The following PIEZO1 variants were observed in gnomAD, a reference collection of about 807,000 sequenced individuals.
PIEZO1 encodes piezo-type mechanosensitive ion channel component 1.
A neutral mutation model predicts 297.2 loss-of-function variants in PIEZO1; 296 were observed. The observed-to-expected ratio is 1.00, with a 90% confidence interval of 0.91 to 1.10. PIEZO1 has a LOEUF of 1.10. Ranked by LOEUF, PIEZO1 falls within the 50% of genes least tolerant of loss-of-function variation. The pLI, the probability that PIEZO1 is intolerant of heterozygous loss-of-function variation, is 0.00. For missense variants in PIEZO1, 5,018 were observed against 3,455.5 expected, an observed-to-expected ratio of 1.45 and a Z score of -11.34; for synonymous variants, 2,427 against 1,507.5, an observed-to-expected ratio of 1.61 and a Z score of -14.13.
chr16:88,760,164 G>A (rs1173481939), intron 1 of PIEZO1, among the ~76,000 whole-genome samples: 1 of 151,048 alleles, frequency 6.6e-6, no homozygotes, highest in African/African-American at 2.5e-5. Context: ...GGGCCTCCGT[G>A]CCCTCAGTGA....
At chr16:88,779,451 G>A (rs540708683) in intron 1 of PIEZO1, among the ~76,000 whole-genome samples, 4 of 152,280 alleles carry the variant, frequency 2.6e-5, no homozygotes, top group Admixed American at 2.0e-4. Context: ...AGCAATGACC[G>A]TGCGGGGCCC....
At chr16:88,720,048 C>G (rs1462394196) in intron 42 of PIEZO1, 21 bp downstream of exon 42, 1 of 1,549,426 alleles carries the variant, frequency 6.5e-7, no homozygotes, top group Admixed American at 2.0e-5. Context: ...GGAGACCGAG[C>G]GCCCCCACGC....
At chr16:88,743,464 T>C (rs1290486378) in intron 2 of PIEZO1, 2 of 446,578 alleles carry the variant, frequency 4.5e-6, no homozygotes, top group African/African-American at 4.0e-5. Flanking sequence ...CAGGCCCTTC[T>C]CACAACTTCC....
rs1201397460 is a variant in PIEZO1, at chr16:88,720,088, G to A, written c.6145C>T (p.Leu2049=). 4.5e-6 allele frequency: 7 copies of A among 1,550,356 alleles called. No homozygotes were observed. Among genetic ancestry groups the A allele is most frequent in the Non-Finnish European group, 5.2e-6 (6 of 1,146,970 alleles). Residue 2049 remains leucine (L), a synonymous_variant, in exon 42 of 51, where the codon CTG becomes TTG. Transcript: ENST00000301015. ...GCCCACCTCTCAGTGACGGCGGGCA[G>A]GATGAAGAACATCCATAGGTGGATG... The part of the protein sequence containing the change: ...LAIHLWMFFI[L]PAVTERMFNQ...
At chr16:88,720,018 G>GC in intron 42 of PIEZO1, 51 bp downstream of exon 42, 1 of 1,548,996 alleles carries the variant, frequency 6.5e-7, no homozygotes, top group Non-Finnish European at 8.7e-7. Flanking sequence ...AGGGCCCCCA[G>GC]CCTGCACTGC....
chr16:88,735,925 CAG>C (rs752497648), intron 12 of PIEZO1, among the ~76,000 whole-genome samples: 3 of 152,206 alleles, frequency 2.0e-5, no homozygotes, highest in East Asian at 1.9e-4. Flanking sequence ...TGTCAGGGCA[CAG>C]GGGTGGTGCC....
chr16:88,780,109 G>T lies in PIEZO1; in HGVS notation c.64+4792C>A, dbSNP rs479961. Among the ~76,000 whole-genome samples, 611 of 152,282 alleles carry T rather than the reference G, an allele frequency of 4.0e-3. 5 individuals carry two copies. Among genetic ancestry groups the T allele is most frequent in the African/African-American group, 0.014 (589 of 41,542 alleles). Reference sequence around the variant, plus strand: ...CTGCCCACGAGCCGCCACCAGGTCGGCCACCCCTCTGCCTGCCCCCGTCCT... The same window carrying T: ...CTGCCCACGAGCCGCCACCAGGTCGTCCACCCCTCTGCCTGCCCCCGTCCT... On this transcript the variant is annotated intron_variant, in intron 1 of 50. Coordinates refer to ENST00000301015, the MANE Select transcript of PIEZO1 (RefSeq NM_001142864.4).
chr16:88,779,442 G>C (rs1287630369), intron 1 of PIEZO1, among the ~76,000 whole-genome samples: 1 of 152,174 alleles, frequency 6.6e-6, no homozygotes, highest in African/African-American at 2.4e-5. Context: ...TGAATAAACA[G>C]CAATGACCGT....
At chr16:88,760,663 C>T (rs1337398760) in intron 1 of PIEZO1, among the ~76,000 whole-genome samples, 1 of 151,390 alleles carries the variant, frequency 6.6e-6, no homozygotes, top group African/African-American at 2.4e-5. Flanking sequence ...CAGCAGCACC[C>T]AGGAAGCCCA....
In PIEZO1 at chr16:88,723,207, C is replaced by T. The variant is rs1369490206; in HGVS notation, c.4438+19G>A. ...AGTCCCGCGGCTTCCCCTCAGAGTC[C>T]CCACGCCCCCCAGCTCACCTGTGGG... On this transcript the variant is annotated intron_variant, in intron 32 of 50. Coordinates refer to ENST00000301015, the MANE Select transcript of PIEZO1 (RefSeq NM_001142864.4). 39 of 1,548,524 alleles carry T rather than the reference C, an allele frequency of 2.5e-5. No individual in the cohort carries two copies. The highest frequency in any genetic ancestry group is 1.8e-4 in the Admixed American group (9 of 50,984).
At position 88,719,813 on chromosome 16, in the gene PIEZO1, G is replaced by C; in HGVS notation, c.6312C>G (p.Phe2104Leu). 2 of 1,550,542 alleles carry C rather than the reference G, an allele frequency of 1.3e-6. No individual in the cohort carries two copies. Among genetic ancestry groups the C allele is most frequent in the Non-Finnish European group, 8.7e-7 (1 of 1,146,940 alleles). The change falls in exon 43 of 51, where the codon TTC becomes TTG. Residue 2104 changes from phenylalanine (F) to leucine (L), a missense_variant. Transcript: ENST00000301015. ...GGACCTGCACTCACCCCTGGAAGAGGAAGAGGTTGAGATGATTGTACTTCT... is the reference window on the plus strand; with the variant it reads ...GGACCTGCACTCACCCCTGGAAGAGCAAGAGGTTGAGATGATTGTACTTCT... ...LTKKYNHLNL[F>L]LFQGFRLVPF...
chr16:88,737,430 GCCC>G, intron 10 of PIEZO1, 126 bp downstream of exon 10: 1 of 638,762 alleles, frequency 1.6e-6, no homozygotes, highest in South Asian at 2.0e-5. Context: ...GATGTCCTGG[GCCC>G]CCGAGGGGGC....
chr16:88,775,789 CA>C (rs1262615668), intron 1 of PIEZO1, among the ~76,000 whole-genome samples: 1 of 151,500 alleles, frequency 6.6e-6, no homozygotes, highest in Admixed American at 6.6e-5. Context: ...GAGTGGCAGC[CA>C]AGGGTAGGGA....
At chr16:88,748,433 AAC>A (rs914572777) in intron 2 of PIEZO1, among the ~76,000 whole-genome samples, 10 of 51,048 alleles carry the variant, frequency 2.0e-4, no homozygotes, top group African/African-American at 3.5e-4. Flanking sequence ...ACGGGAGAGC[AAC>A]ACAGTCCTGG....
intron 2 of PIEZO1, 48 bp downstream of exon 2, chr16:88,749,336 C>T: frequency 7.8e-7 from 1 of 1,280,774 alleles, no homozygotes; most frequent in South Asian, 1.6e-5. Flanking sequence ...CAAACGAATG[C>T]CCACCCCCTC....
chr16:88,718,004 A>C, intron 44 of PIEZO1: 1 of 331,052 alleles, frequency 3.0e-6, no homozygotes, highest in Non-Finnish European at 5.8e-6. Context: ...AATCGCTTGA[A>C]CCTGGGAGGC....
chr16:88,719,902 C>G lies in PIEZO1; in HGVS notation c.6223G>C (p.Ala2075Pro). The change falls in exon 43 of 51, where the codon GCC (alanine) becomes CCC (proline). Residue 2075 changes from alanine to proline, a missense_variant. Ala to Pro is a conservative substitution (Grantham distance 27). Coordinates refer to ENST00000301015, the MANE Select transcript of PIEZO1 (RefSeq NM_001142864.4). ...LWYFVKCIYFALSAYQIRCGY... is the reference protein window; with the variant it reads ...LWYFVKCIYFPLSAYQIRCGY... ...CAGCGGATCTGGTAGGCGGACAGGGCGAAGTAGATGCACTTCACGAAGTAC... is the reference window on the plus strand; with the variant it reads ...CAGCGGATCTGGTAGGCGGACAGGGGGAAGTAGATGCACTTCACGAAGTAC... 6.4e-7 allele frequency: 1 copy of G among 1,550,398 alleles called. No homozygotes were observed. The highest frequency in any genetic ancestry group is 8.7e-7 in the Non-Finnish European group (1 of 1,146,940).
Position 88,784,917 on chromosome 16 carries a change from G to A in PIEZO1, c.48C>T (p.Pro16=), listed in dbSNP as rs1349477438. The A allele has an allele frequency of 2.8e-6, 4 of 1,436,822 alleles. No homozygotes were observed. Among genetic ancestry groups the A allele is most frequent in the South Asian group, 1.3e-5 (1 of 77,022 alleles). The allele number at this position is 1,436,822 out of a possible 1,614,324, so 89.0% of individuals were successfully genotyped here. A position where few individuals can be genotyped will look rare whatever the true frequency, so the allele number is the denominator to read the frequency against. ...LGAVLYWLLL[P]CALLAACLLR... is the part of the protein sequence containing the mutation. ...CCCACTCACCAGCCAGCAGCGCGCA[G>A]GGCAGCAGCAGCCAGTACAGGACCG... Residue 16 remains proline (P), a synonymous_variant, in exon 1 of 51, where the codon CCC becomes CCT. Transcript: ENST00000301015.
At chr16:88,718,508 G>C (rs1432329453) in intron 44 of PIEZO1, 1 of 152,278 alleles carries the variant, frequency 6.6e-6, no homozygotes, top group African/African-American at 2.4e-5. Flanking sequence ...CCATAAACAG[G>C]AAGGCCATAC....
Sources: allele counts gnomAD v4.1 joint callset (sites outside exome capture counted in the v4.1 genomes callset), GRCh38; gene constraint gnomAD v4.1.1; transcripts MANE v1.5; gene names NCBI Gene and HGNC (gene_info 2026-07-23, HGNC 2026-07-21).